The following TEKT1 variants were observed in gnomAD, a reference collection of about 807,000 sequenced individuals.
The protein encoded by TEKT1 is tektin-1.
A neutral mutation model predicts 34.8 loss-of-function variants in TEKT1; 32 were observed. The ratio of observed to expected loss-of-function variants is 0.92; its 90% CI spans 0.69 to 1.23. The LOEUF (loss-of-function observed/expected upper bound fraction) is 1.23. TEKT1 is among the 50% of genes most tolerant of loss of function. TEKT1 has a pLI of 0.00. For missense variants in TEKT1, 492 were observed against 518.5 expected (o/e 0.95, Z 0.50); for synonymous variants, 207 against 199.8 (o/e 1.04, Z -0.30).
chr17:6,802,991 G>A (rs930513548), intron 6 of TEKT1, among the ~76,000 whole-genome samples: 1 of 152,032 alleles, frequency 6.6e-6, no homozygotes, highest in African/African-American at 2.4e-5. Context: ...GGATGGCTGG[G>A]TCAAATGGTA....
intron 3 of TEKT1, 144 bp downstream of exon 3, chr17:6,819,049 G>A: frequency 1.0e-6 from 1 of 969,280 alleles, no homozygotes; most frequent in Non-Finnish European, 1.5e-6. Context: ...CCAGCACCAG[G>A]GGCATGCTGG....
Position 6,811,874 on chromosome 17 carries a change from A to G in TEKT1, c.852+957T>C, listed in dbSNP as rs1412181562. 2.6e-5 allele frequency among the ~76,000 whole-genome samples: 4 copies of G among 152,182 alleles called. No individual in the cohort carries two copies. The highest frequency in any genetic ancestry group is 6.5e-5 in the Admixed American group (1 of 15,274). The stretch of plus-strand genomic sequence containing the variant: ...TACTACAGACATCGACAAATTCTAC[A>G]GGAAGGACCCTAATCTGTAGAATTT... On this transcript the variant is annotated intron_variant, in intron 6 of 7. Transcript: ENST00000338694. The surrounding 1 kb of genome is among the most constrained non-coding windows in gnomAD (Gnocchi z 4.4).
rs1400806995 is a variant in TEKT1, at chr17:6,831,712, T to G, written c.-81A>C. 6.6e-6 allele frequency: 1 copy of G among 152,194 alleles called. No homozygotes were observed. Among genetic ancestry groups the G allele is most frequent in the African/African-American group, 2.4e-5 (1 of 41,438 alleles). 9.4% of individuals were successfully genotyped at this position (152,194 alleles called of 1,614,324 possible). Reference sequence around the variant, plus strand: ...GGAGCCTCCTTACCCCAACTGGAGCTTCCAGCTCTTGCAGAACAGAGAGGT... The same window carrying G: ...GGAGCCTCCTTACCCCAACTGGAGCGTCCAGCTCTTGCAGAACAGAGAGGT... On this transcript the variant is annotated 5_prime_UTR_variant, in exon 1 of 8. Coordinates refer to ENST00000338694, the MANE Select transcript of TEKT1 (RefSeq NM_053285.2).
chr17:6,828,755 T>G (rs998078057), intron 2 of TEKT1, among the ~76,000 whole-genome samples: 3 of 152,110 alleles, frequency 2.0e-5, no homozygotes, highest in Non-Finnish European at 2.9e-5. Flanking sequence ...ACGTTGGTTG[T>G]TTGTTTTGTT....
chr17:6,800,866 G>A lies in TEKT1; in HGVS notation c.930C>T (p.Ala310=), dbSNP rs767950282. 1.9e-6 allele frequency: 3 copies of A among 1,614,142 alleles called. No homozygotes were observed. The highest frequency in any genetic ancestry group is 2.5e-6 in the Non-Finnish European group (3 of 1,180,016). The change falls in exon 7 of 8, where the codon GCC becomes GCT. Residue 310 remains alanine, a synonymous_variant. Transcript: ENST00000338694. ...EKAILDQEGP[A]KVAHTRLETR... ...TCTCCAAGCGCGTATGAGCCACCTT[G>A]GCTGGCCCTTCTTGGTCAAGGATGG...
chr17:6,829,958 A>C (rs1291100208), intron 2 of TEKT1, among the ~76,000 whole-genome samples: 1 of 152,200 alleles, frequency 6.6e-6, no homozygotes, highest in Non-Finnish European at 1.5e-5. Flanking sequence ...GATGCTCAAT[A>C]ACTGTGCATC....
At chr17:6,800,686 GC>G in intron 7 of TEKT1, 60 bp downstream of exon 7, 1 of 1,544,902 alleles carries the variant, frequency 6.5e-7, no homozygotes, top group South Asian at 1.2e-5. Context: ...TCTAGCCTCT[GC>G]TTGATATCCA....
chr17:6,802,530 G>A (rs897086004), intron 6 of TEKT1, among the ~76,000 whole-genome samples: 4 of 150,584 alleles, frequency 2.7e-5, no homozygotes, highest in African/African-American at 4.9e-5. Flanking sequence ...TGTGCACAAC[G>A]TGCAGGTTTG....
At chr17:6,821,260 G>C (rs904836334) in intron 2 of TEKT1, among the ~76,000 whole-genome samples, 1 of 152,172 alleles carries the variant, frequency 6.6e-6, no homozygotes. Context: ...GGAAGGACTT[G>C]GTGGGAGATA....
intron 2 of TEKT1, among the ~76,000 whole-genome samples, chr17:6,824,416 G>T (rs964484482): frequency 1.3e-5 from 2 of 151,900 alleles, no homozygotes; most frequent in African/African-American, 4.8e-5. Context: ...TCATCATGCT[G>T]CTCTTCCTCA....
intron 3 of TEKT1, 122 bp from the exon 4 acceptor site, chr17:6,816,084 G>A (rs895394809): frequency 8.8e-6 from 12 of 1,356,078 alleles, no homozygotes; most frequent in African/African-American, 1.4e-5. Flanking sequence ...CGATCCATCC[G>A]ATGACACAGT....
chr17:6,807,379 T>C (rs1441656333), intron 6 of TEKT1, among the ~76,000 whole-genome samples: 3 of 152,230 alleles, frequency 2.0e-5, no homozygotes, highest in Non-Finnish European at 4.4e-5. Context: ...CTAATTTTTT[T>C]TCAAGGTTTT....
intron 2 of TEKT1, among the ~76,000 whole-genome samples, chr17:6,829,097 G>A (rs1904491496): frequency 6.6e-6 from 1 of 152,218 alleles, no homozygotes; most frequent in Admixed American, 6.5e-5. Context: ...ATTGCAGTGA[G>A]CTGAGATTGT....
chr17:6,810,272 A>G (rs745597801), intron 6 of TEKT1, among the ~76,000 whole-genome samples: 1 of 152,066 alleles, frequency 6.6e-6, no homozygotes, highest in Non-Finnish European at 1.5e-5. Context: ...GTATATCTGT[A>G]TTGGTGAGGT....
intron 2 of TEKT1, 135 bp downstream of exon 2, chr17:6,830,052 T>C (rs1301983505): frequency 4.4e-6 from 4 of 901,894 alleles, no homozygotes; most frequent in Non-Finnish European, 6.5e-6. Context: ...AACTTAAACA[T>C]AGAACCTGGA....
At chr17:6,813,946 T>TTCCCTCTCTCTC (rs146111910) in intron 5 of TEKT1, among the ~76,000 whole-genome samples, 1 of 145,852 alleles carries the variant, frequency 6.9e-6, no homozygotes, top group South Asian at 2.3e-4. Context: ...CTGTCATCCG[T>TTCCCTCTCTCTC]TCTCTCTCTC....
In TEKT1 at chr17:6,798,174, T is replaced by C. The variant is rs1434403409; in HGVS notation, c.*1853A>G. The C allele has an allele frequency of 6.6e-6, 1 of 152,228 alleles. No homozygotes were observed. The highest frequency in any genetic ancestry group is 1.9e-4 in the East Asian group (1 of 5,200). 9.4% of individuals were successfully genotyped at this position (152,228 alleles called of 1,614,324 possible). A position where few individuals can be genotyped will look rare whatever the true frequency, so the allele number is the denominator to read the frequency against. On this transcript the variant is annotated 3_prime_UTR_variant, in exon 8 of 8. Transcript: ENST00000338694. ...CAATCTAGGCTTTATTAGTCTTATTTACAGATTAGGCAACTGAAGCTCGGG... is the reference window on the plus strand; with the variant it reads ...CAATCTAGGCTTTATTAGTCTTATTCACAGATTAGGCAACTGAAGCTCGGG...
rs1976735031 is a variant in TEKT1 at position 6,799,363 on chromosome 17, G to A, written c.*664C>T. ...GTACAATTGTGCAGAAATTATGTTGGTATAGGGTGGGACTGCTCACAATGG... is the reference window on the plus strand; with the variant it reads ...GTACAATTGTGCAGAAATTATGTTGATATAGGGTGGGACTGCTCACAATGG... On this transcript the variant is annotated 3_prime_UTR_variant, in exon 8 of 8. Transcript: ENST00000338694. 1 of 152,172 alleles carries A rather than the reference G, an allele frequency of 6.6e-6. No homozygotes were observed. The highest frequency in any genetic ancestry group is 1.5e-5 in the Non-Finnish European group (1 of 68,042). The allele number at this position is 152,172 out of a possible 1,614,324, so 9.4% of individuals were successfully genotyped here.
In TEKT1 at chr17:6,798,955, C is replaced by G. The variant is rs981747274; in HGVS notation, c.*1072G>C. The G allele has an allele frequency of 6.6e-6, 1 of 152,192 alleles. No individual in the cohort carries two copies. Among genetic ancestry groups the G allele is most frequent in the African/African-American group, 2.4e-5 (1 of 41,448 alleles). 9.4% of individuals were successfully genotyped at this position (152,192 alleles called of 1,614,324 possible). A position where few individuals can be genotyped will look rare whatever the true frequency, so the allele number is the denominator to read the frequency against. On this transcript the variant is annotated 3_prime_UTR_variant, in exon 8 of 8. Transcript: ENST00000338694. ...CACACCGTCAGCTGTCCATGAGCACCGGGGAACCAAATGTTAGCAGAGTGT... is the reference window on the plus strand; with the variant it reads ...CACACCGTCAGCTGTCCATGAGCACGGGGGAACCAAATGTTAGCAGAGTGT...
Sources: gnomAD v4.1 joint callset for allele counts (sites outside exome capture counted in the v4.1 genomes callset) on GRCh38, gnomAD v4.1.1 for gene constraint, Gnocchi (gnomAD v3.1) non-coding constraint, MANE v1.5 for transcripts, NCBI Gene and HGNC (gene_info 2026-07-23, HGNC 2026-07-21) for gene names.